The following NANOGNB variants were observed in gnomAD, a reference collection of about 807,000 sequenced individuals.
The protein encoded by NANOGNB is homeobox C14.
In NANOGNB, 30 loss-of-function variants were observed where a neutral mutation model predicts 25.0. The ratio of observed to expected loss-of-function variants is 1.20; its 90% confidence interval spans 0.90 to 1.63. The LOEUF (loss-of-function observed/expected upper bound fraction) is 1.63, where lower values mean the gene tolerates loss of function less well. Ranked by LOEUF, NANOGNB falls within the 40% of genes most tolerant of loss-of-function variation. The pLI, the probability that NANOGNB is intolerant of heterozygous loss-of-function variation, is 0.00. For synonymous variants in NANOGNB, 84 were observed against 62.1 expected, an observed-to-expected ratio of 1.35 and a Z score of -1.66; for missense variants, 200 against 188.1, an observed-to-expected ratio of 1.06 and a Z score of -0.37.
chr12:7,766,238 A>G (rs1865243091), intron 1 of NANOGNB: 3 of 398,334 alleles, frequency 7.5e-6, no homozygotes, highest in African/African-American at 4.1e-5. Flanking sequence ...TGGGAGGCCA[A>G]GCGGGGCAGA....
intron 3 of NANOGNB, 62 bp downstream of exon 3, chr12:7,770,580 G>A: frequency 9.0e-7 from 1 of 1,108,694 alleles, no homozygotes; most frequent in South Asian, 1.6e-5. Flanking sequence ...TTCCGGAGTT[G>A]GTTTGTGTTT....
At position 7,765,345 on chromosome 12, in the gene NANOGNB, C is replaced by A; in HGVS notation, c.60C>A (p.Gly20=). ...CAGCACTTTGGGAGGCCGAGGCGGGCAGATCACGAGGTCAGGAAATCGAGA... is the reference window on the plus strand; with the variant it reads ...CAGCACTTTGGGAGGCCGAGGCGGGAAGATCACGAGGTCAGGAAATCGAGA... ...VIPALWEAEA[G]RSRGQEIETI... The change falls in exon 1 of 4, where the codon GGC becomes GGA. Residue 20 remains glycine, a synonymous_variant. Coordinates refer to ENST00000382119, the MANE Select transcript of NANOGNB (RefSeq NM_001145465.1). The A allele has an allele frequency of 1.5e-6, 1 of 687,034 alleles. No individual in the cohort carries two copies. The highest frequency in any genetic ancestry group is 2.2e-6 in the Non-Finnish European group (1 of 448,694). The allele number at this position is 687,034 out of a possible 1,614,324, so 42.6% of individuals were successfully genotyped here.
chr12:7,771,817 C>T (rs1167378286), intron 3 of NANOGNB, among the ~76,000 whole-genome samples: 1 of 151,906 alleles, frequency 6.6e-6, no homozygotes, highest in East Asian at 1.9e-4. Flanking sequence ...GACCGGATTT[C>T]ACCATGTTGG....
Position 7,770,021 on chromosome 12 carries a change from A to G in NANOGNB, c.141A>G (p.Gln47=), listed in dbSNP as rs1395119920. The G allele has an allele frequency of 2.0e-6, 3 of 1,529,694 alleles. No homozygotes were observed. The highest frequency in any genetic ancestry group is 8.8e-7 in the Non-Finnish European group (1 of 1,141,968). 94.8% of individuals were successfully genotyped at this position (1,529,694 alleles called of 1,614,324 possible). A position where few individuals can be genotyped will look rare whatever the true frequency, so the allele number is the denominator to read the frequency against. The part of the protein sequence containing the change: ...SAMPWDQDPE[Q]STGNYSEDEQ... Reference sequence around the variant, plus strand: ...TGCCTTGGGATCAAGATCCAGAACAATCAACTGGAAATTACAGTGAAGATG... The same window carrying G: ...TGCCTTGGGATCAAGATCCAGAACAGTCAACTGGAAATTACAGTGAAGATG... Residue 47 remains glutamine (Q), a synonymous_variant, in exon 2 of 4, where the codon CAA becomes CAG. Coordinates refer to ENST00000382119, the MANE Select transcript of NANOGNB (RefSeq NM_001145465.1).
intron 3 of NANOGNB, 27 bp from the exon 4 acceptor site, chr12:7,773,773 C>CTTTT (rs34408824): frequency 3.5e-4 from 180 of 518,730 alleles, no homozygotes; most frequent in South Asian, 1.0e-3. Flanking sequence ...TTGCGAAACT[C>CTTTT]TTTTTTTTTT....
intron 1 of NANOGNB, among the ~76,000 whole-genome samples, chr12:7,768,263 C>A (rs945535029): frequency 2.6e-5 from 4 of 152,014 alleles, no homozygotes; most frequent in African/African-American, 9.7e-5. Flanking sequence ...TTGAACTAAT[C>A]ACATATTTCT....
chr12:7,773,946 T>G lies in NANOGNB; in HGVS notation c.*95T>G. 1 of 523,964 alleles carries G rather than the reference T, an allele frequency of 1.9e-6. No homozygotes were observed. The highest frequency in any genetic ancestry group is 3.3e-6 in the Non-Finnish European group (1 of 299,908). The allele number at this position is 523,964 out of a possible 1,614,324, so 32.5% of individuals were successfully genotyped here. A position where few individuals can be genotyped will look rare whatever the true frequency, so the allele number is the denominator to read the frequency against. ...ACATGACACCATTCTCACCAATAAATGGAGTTCTGAAAGGATAAACAAGAA... is the reference window on the plus strand; with the variant it reads ...ACATGACACCATTCTCACCAATAAAGGGAGTTCTGAAAGGATAAACAAGAA... On this transcript the variant is annotated 3_prime_UTR_variant, in exon 4 of 4. Transcript: ENST00000382119.
intron 3 of NANOGNB, among the ~76,000 whole-genome samples, chr12:7,771,873 G>A (rs997316456): frequency 1.3e-5 from 2 of 151,994 alleles, no homozygotes; most frequent in East Asian, 1.9e-4. Flanking sequence ...CGCCCGCCTC[G>A]GCCTCCCAAA....
At chr12:7,772,849 A>T (rs1862595855) in intron 3 of NANOGNB, among the ~76,000 whole-genome samples, 1 of 151,970 alleles carries the variant, frequency 6.6e-6, no homozygotes, top group South Asian at 2.1e-4. Flanking sequence ...GAGTGCTGGG[A>T]TTACAGGCAT....
chr12:7,767,241 G>A (rs1865253801), intron 1 of NANOGNB, among the ~76,000 whole-genome samples: 1 of 152,162 alleles, frequency 6.6e-6, no homozygotes, highest in Non-Finnish European at 1.5e-5. Context: ...ATATTCAAGA[G>A]AGAATGAGGG....
At chr12:7,773,139 A>AAAGATGGGGGTCTCACTATGCTGCCCAC (rs1862600521) in intron 3 of NANOGNB, among the ~76,000 whole-genome samples, 1 of 80,298 alleles carries the variant, frequency 1.2e-5, no homozygotes, top group African/African-American at 4.5e-5. Context: ...TTTTTTTTTC[A>AAAGATGGGGGTCTCACTATGCTGCCCAC]AAGATGGGGG....
At chr12:7,766,083 A>T in intron 1 of NANOGNB, 1 of 398,600 alleles carries the variant, frequency 2.5e-6, no homozygotes. Flanking sequence ...AGGAAGCCCC[A>T]GGAAAGGATG....
At position 7,770,153 on chromosome 12, in the gene NANOGNB, C is replaced by G; in HGVS notation, c.273C>G (p.Asn91Lys). ...AGGAGCTGCAAGATGAACAGGAAAA[C>G]AAAAGGAAAAGGGAAAATGAGAAAC... ...NEKELQDEQE[N>K]KRKRENEKQK... The change falls in exon 2 of 4, where the codon AAC becomes AAG. Residue 91 changes from asparagine to lysine, a missense_variant. Transcript: ENST00000382119. 1 of 1,549,592 alleles carries G rather than the reference C, an allele frequency of 6.5e-7. No individual in the cohort carries two copies.
chr12:7,773,546 CAAAAAA>C (rs869038102), intron 3 of NANOGNB, among the ~76,000 whole-genome samples: 51 of 15,442 alleles, frequency 3.3e-3, no homozygotes, highest in Admixed American at 9.3e-3. Flanking sequence ...ACTAAAAATA[CAAAAAA>C]AAAAAAAAAA....
intron 3 of NANOGNB, among the ~76,000 whole-genome samples, chr12:7,770,892 G>A (rs966220406): frequency 8.5e-5 from 13 of 152,108 alleles, no homozygotes; most frequent in Non-Finnish European, 7.4e-5. Context: ...GATTACAGGC[G>A]TGAACCACCA....
rs1862614802 is a variant in NANOGNB, at chr12:7,774,115, G to A, written c.*264G>A. 1 of 264,986 alleles carries A rather than the reference G, an allele frequency of 3.8e-6. No individual in the cohort carries two copies. Among genetic ancestry groups the A allele is most frequent in the Non-Finnish European group, 7.0e-6 (1 of 143,326 alleles). The allele number at this position is 264,986 out of a possible 1,614,324, so 16.4% of individuals were successfully genotyped here. A position where few individuals can be genotyped will look rare whatever the true frequency, so the allele number is the denominator to read the frequency against. On this transcript the variant is annotated 3_prime_UTR_variant, in exon 4 of 4. Transcript: ENST00000382119. Reference sequence around the variant, plus strand: ...GATTTTATTTAAGAAAAAAAATCGAGTCAAGGCCGGGCACAGTGGAGCACG... The same window carrying A: ...GATTTTATTTAAGAAAAAAAATCGAATCAAGGCCGGGCACAGTGGAGCACG...
chr12:7,770,504 GA>G lies in NANOGNB; in HGVS notation c.507del (p.Lys169AsnfsTer3). On this transcript the variant is annotated frameshift_variant, in exon 3 of 4. Transcript: ENST00000382119. LOFTEE classifies it high-confidence loss of function. ...AAGAAATGTCCAAGAGAAAGCATAA[GA>G]AAAAACATATGAGGTAAGAAAGTGT... The part of the protein sequence containing the change: ...NKEMSKRKHK[K>X]KHMRWRSLCC... The G allele has an allele frequency of 1.3e-6, 2 of 1,491,132 alleles. No homozygotes were observed. The highest frequency in any genetic ancestry group is 9.1e-7 in the Non-Finnish European group (1 of 1,097,486). 92.4% of individuals were successfully genotyped at this position (1,491,132 alleles called of 1,614,324 possible).
At chr12:7,772,720 A>G (rs972830896) in intron 3 of NANOGNB, among the ~76,000 whole-genome samples, 2 of 151,734 alleles carry the variant, frequency 1.3e-5, no homozygotes, top group African/African-American at 4.8e-5. Flanking sequence ...AGTAGCTGGG[A>G]CTACAGATGT....
At chr12:7,772,008 A>G (rs1049791817) in intron 3 of NANOGNB, among the ~76,000 whole-genome samples, 1 of 152,128 alleles carries the variant, frequency 6.6e-6, no homozygotes, top group Non-Finnish European at 1.5e-5. Context: ...ACACCGAGGG[A>G]ATGACTCCCA....
Sources: gnomAD v4.1 joint callset for allele counts (sites outside exome capture counted in the v4.1 genomes callset) on GRCh38, gnomAD v4.1.1 for gene constraint, MANE v1.5 for transcripts, NCBI Gene and HGNC (gene_info 2026-07-23, HGNC 2026-07-21) for gene names.